BCL7B: variants seen among roughly 807,000 people sequenced by gnomAD.
BCL7B encodes BAF chromatin remodeling complex subunit BCL7B, also known as B-cell CLL/lymphoma 7 protein family member B.
Under a neutral mutation model 26.5 loss-of-function variants are expected in BCL7B, and 11 were observed. The ratio of observed to expected loss-of-function variants is 0.42; its 90% CI spans 0.26 to 0.69. BCL7B has a LOEUF of 0.69. Ranked by LOEUF, BCL7B falls within the 30% of genes least tolerant of loss-of-function variation. BCL7B has a pLI of 0.28. For synonymous variants in BCL7B, 111 were observed against 107.9 expected (o/e 1.03, Z -0.18); for missense variants, 215 against 264.4 (o/e 0.81, Z 1.30).
Position 73,536,765 on chromosome 7 carries a change from C to G in BCL7B, c.*533G>C, listed in dbSNP as rs35107030. The G allele has an allele frequency of 0.032, 4,891 of 153,372 alleles. 109 individuals carry two copies. The highest frequency in any genetic ancestry group is 0.061 in the Middle Eastern group (18 of 294). The allele number at this position is 153,372 out of a possible 1,614,324, so 9.5% of individuals were successfully genotyped here. A position where few individuals can be genotyped will look rare whatever the true frequency, so the allele number is the denominator to read the frequency against. Reference sequence around the variant, plus strand: ...GGCATGGGCAGAGCTGGCAGGACAGCAAGAAATCTAGACGGACTCTCTGCC... The same window carrying G: ...GGCATGGGCAGAGCTGGCAGGACAGGAAGAAATCTAGACGGACTCTCTGCC... On this transcript the variant is annotated 3_prime_UTR_variant, in exon 6 of 6. Transcript: ENST00000223368.
chr7:73,549,256 A>G (rs1554583818), intron 2 of BCL7B, among the ~76,000 whole-genome samples: 1 of 152,252 alleles, frequency 6.6e-6, no homozygotes, highest in Non-Finnish European at 1.5e-5. Context: ...AGCAAAATAC[A>G]GCAGAGAGAG....
chr7:73,556,556 G>T (rs896654190), intron 1 of BCL7B, among the ~76,000 whole-genome samples: 8 of 152,198 alleles, frequency 5.3e-5, no homozygotes. Flanking sequence ...TTAATGTGAT[G>T]ACTCCGATAC....
chr7:73,552,153 T>C lies in BCL7B; in HGVS notation c.168+14A>G, dbSNP rs1554584224. On this transcript the variant is annotated intron_variant, in intron 2 of 5. Coordinates refer to ENST00000223368, the MANE Select transcript of BCL7B (RefSeq NM_001707.4). ...TAAAGAAAATGGTATCTTTTGATTT[T>C]CTTCCACACTTACCTCCTTGCTGTC... 6.3e-7 allele frequency: 1 copy of C among 1,597,938 alleles called. No individual in the cohort carries two copies. The highest frequency in any genetic ancestry group is 1.1e-5 in the South Asian group (1 of 88,228).
chr7:73,551,464 C>A (rs1792166573), intron 2 of BCL7B, among the ~76,000 whole-genome samples: 1 of 152,078 alleles, frequency 6.6e-6, no homozygotes, highest in African/African-American at 2.4e-5. Flanking sequence ...GCAGGCCTAG[C>A]TACTTTTTTT....
chr7:73,539,978 TGGG>T lies in BCL7B; in HGVS notation c.337_339del (p.Pro113del). 1 of 1,614,028 alleles carries T rather than the reference TGGG, an allele frequency of 6.2e-7. No homozygotes were observed. On this transcript the variant is annotated inframe_deletion, in exon 4 of 6. Transcript: ENST00000223368. ...CTCAGGGACTCACTCTGCTGGGGGC[TGGG>T]GCTTGAGTTGGTGCTGCTGTCCACC...
intron 4 of BCL7B, among the ~76,000 whole-genome samples, chr7:73,538,815 TAA>T (rs1159395373): frequency 1.6e-3 from 147 of 94,560 alleles, no homozygotes; most frequent in African/African-American, 5.3e-3. Context: ...CCTATCTCTT[TAA>T]AAAAAAAAAA....
At chr7:73,553,970 CTTTT>C (rs34326622) in intron 1 of BCL7B, among the ~76,000 whole-genome samples, 3 of 127,828 alleles carry the variant, frequency 2.3e-5, no homozygotes, top group Admixed American at 8.1e-5. Context: ...ACAAAGGAGA[CTTTT>C]TTTTTTTTTT....
At chr7:73,542,740 T>C in intron 3 of BCL7B, 1 of 258,656 alleles carries the variant, frequency 3.9e-6, no homozygotes, top group Admixed American at 4.3e-5. Context: ...TAACAGTGGG[T>C]AAGCAGAAGC....
intron 2 of BCL7B, among the ~76,000 whole-genome samples, chr7:73,548,246 G>C (rs1483010525): frequency 1.3e-5 from 2 of 151,874 alleles, no homozygotes; most frequent in African/African-American, 4.8e-5. Context: ...TGGCCAACAT[G>C]GTAAAACCCT....
chr7:73,557,536 T>C lies in BCL7B; in HGVS notation c.43A>G (p.Lys15Glu). ...GCCATCACCTTCTTGATGTCGTCCTTGGCCCGGCTGCGGGTCTCCGCCCGG... is the reference window on the plus strand; with the variant it reads ...GCCATCACCTTCTTGATGTCGTCCTCGGCCCGGCTGCGGGTCTCCGCCCGG... ...SVRAETRSRAKDDIKKVMAAI... is the reference protein window; with the variant it reads ...SVRAETRSRAEDDIKKVMAAI... Residue 15 changes from lysine to glutamate, a missense_variant, in exon 1 of 6, where the codon AAG becomes GAG. Physicochemically the swap from Lys to Glu is moderately conservative, Grantham distance 56. Transcript: ENST00000223368. 1 of 1,441,318 alleles carries C rather than the reference T, an allele frequency of 6.9e-7. No individual in the cohort carries two copies. Among genetic ancestry groups the C allele is most frequent in the South Asian group, 1.4e-5 (1 of 70,784 alleles). 89.3% of individuals were successfully genotyped at this position (1,441,318 alleles called of 1,614,324 possible). A position where few individuals can be genotyped will look rare whatever the true frequency, so the allele number is the denominator to read the frequency against.
At chr7:73,545,902 T>C in intron 2 of BCL7B, among the ~76,000 whole-genome samples, 1 of 151,724 alleles carries the variant, frequency 6.6e-6, no homozygotes, top group East Asian at 2.0e-4. Context: ...GAGGCCGAGG[T>C]GGGCCGATCA....
intron 4 of BCL7B, among the ~76,000 whole-genome samples, chr7:73,539,435 G>A (rs1328086188): frequency 6.6e-6 from 1 of 150,664 alleles, no homozygotes; most frequent in Non-Finnish European, 1.5e-5. Context: ...TATGTTTTTA[G>A]TAGAGACGGT....
intron 1 of BCL7B, among the ~76,000 whole-genome samples, chr7:73,554,900 T>C (rs1206922737): frequency 6.6e-6 from 1 of 152,030 alleles, no homozygotes; most frequent in Non-Finnish European, 1.5e-5. Context: ...AATTAATTCC[T>C]GAACAGACCA....
chr7:73,541,478 T>TC (rs1244727146), intron 3 of BCL7B, among the ~76,000 whole-genome samples: 3 of 151,766 alleles, frequency 2.0e-5, no homozygotes, highest in African/African-American at 7.3e-5. Flanking sequence ...TTTTTTTTTT[T>TC]TTTTTTGAGA....
chr7:73,557,119 A>C, intron 1 of BCL7B: 1 of 996,666 alleles, frequency 1.0e-6, no homozygotes, highest in African/African-American at 1.7e-5. Flanking sequence ...TATTATCAAG[A>C]GGAAGCCTGG....
chr7:73,555,679 C>T (rs2115835702), intron 1 of BCL7B, among the ~76,000 whole-genome samples: 1 of 152,260 alleles, frequency 6.6e-6, no homozygotes, highest in East Asian at 1.9e-4. Flanking sequence ...GGGCCTTCTT[C>T]AGTATTTATC....
At chr7:73,551,107 A>T (rs1792149211) in intron 2 of BCL7B, among the ~76,000 whole-genome samples, 1 of 152,254 alleles carries the variant, frequency 6.6e-6, no homozygotes, top group Non-Finnish European at 1.5e-5. Context: ...CATATGATAC[A>T]CACAATACAG....
At chr7:73,557,199 G>C in intron 1 of BCL7B, 1 of 1,042,670 alleles carries the variant, frequency 9.6e-7, no homozygotes, top group Non-Finnish European at 1.2e-6. Context: ...CGCGGGCACC[G>C]ACGCCAGGCA....
At chr7:73,548,656 C>A (rs1269670591) in intron 2 of BCL7B, among the ~76,000 whole-genome samples, 1 of 151,994 alleles carries the variant, frequency 6.6e-6, no homozygotes, top group African/African-American at 2.4e-5. Context: ...GCAGGCCGGG[C>A]ACAGTGGCTC....
Sources: allele counts gnomAD v4.1 joint callset (sites outside exome capture counted in the v4.1 genomes callset), GRCh38; gene constraint gnomAD v4.1.1; transcripts MANE v1.5; gene names NCBI Gene and HGNC (gene_info 2026-07-23, HGNC 2026-07-21).